Variants in IGF2R observed in about 807,000 individuals in gnomAD.
IGF2R encodes insulin like growth factor 2 receptor.
In IGF2R, 91 loss-of-function variants were observed where a neutral mutation model predicts 270.6. That is an observed-to-expected ratio of 0.34 (90% CI 0.28 to 0.40). The LOEUF is 0.40. Among genes scored for constraint, IGF2R ranks in the 10% least tolerant of loss-of-function variants. IGF2R has a pLI of 1.00. For missense variants in IGF2R, 2,805 were observed against 3,188.3 expected, an observed-to-expected ratio of 0.88 and a Z score of 2.90; for synonymous variants, 1,316 against 1,258.9, an observed-to-expected ratio of 1.05 and a Z score of -0.96.
At chr6:160,047,994 G>C in intron 17 of IGF2R, 87 bp downstream of exon 17, 2 of 861,056 alleles carry the variant, frequency 2.3e-6, no homozygotes, top group Non-Finnish European at 4.0e-6. Flanking sequence ...CTGAGCTGAT[G>C]ATGGGGAGTG....
At chr6:160,000,839 G>A (rs770754122) in intron 2 of IGF2R, among the ~76,000 whole-genome samples, 8 of 147,918 alleles carry the variant, frequency 5.4e-5, no homozygotes, top group African/African-American at 1.7e-4. Context: ...GGGTTTAAGC[G>A]ATTCTCCTGC....
chr6:160,099,284 A>G (rs1372590265), intron 45 of IGF2R, among the ~76,000 whole-genome samples: 1 of 152,250 alleles, frequency 6.6e-6, no homozygotes, highest in South Asian at 2.1e-4. Context: ...GGAAACTGCA[A>G]CTTTATGTGA....
chr6:160,091,515 A>T (rs992203524), intron 44 of IGF2R, among the ~76,000 whole-genome samples: 2 of 152,222 alleles, frequency 1.3e-5, no homozygotes, highest in African/African-American at 2.4e-5. Flanking sequence ...GCATCTGCTC[A>T]TAGCACCTGT....
In IGF2R at chr6:159,969,139, G is replaced by A. The variant is rs984948026; in HGVS notation, c.-108G>A. 16 of 619,446 alleles carry A rather than the reference G, an allele frequency of 2.6e-5. No individual in the cohort carries two copies. Among genetic ancestry groups the A allele is most frequent in the Non-Finnish European group, 3.0e-5 (15 of 496,658 alleles). 38.4% of individuals were successfully genotyped at this position (619,446 alleles called of 1,614,324 possible). On this transcript the variant is annotated 5_prime_UTR_variant, in exon 1 of 48. Transcript: ENST00000356956. ...CGCGCTCACCTCGGGCTCCCGCTCC[G>A]TCTCCACCTCCGCCTTTGCCCTGGC... is the stretch of plus-strand genomic sequence containing the variant.
intron 4 of IGF2R, among the ~76,000 whole-genome samples, chr6:160,011,768 T>C (rs1784339359): frequency 6.6e-6 from 1 of 152,186 alleles, no homozygotes; most frequent in Non-Finnish European, 1.5e-5. Flanking sequence ...GAGCAGACTG[T>C]GTTCCTTCTG....
In IGF2R at chr6:160,109,578, A is replaced by G. The variant is rs1779702411; in HGVS notation, c.*4494A>G. The G allele has an allele frequency of 6.6e-6, 1 of 152,206 alleles. No individual in the cohort carries two copies. Among genetic ancestry groups the G allele is most frequent in the South Asian group, 2.1e-4 (1 of 4,828 alleles). 9.4% of individuals were successfully genotyped at this position (152,206 alleles called of 1,614,324 possible). On this transcript the variant is annotated 3_prime_UTR_variant, in exon 48 of 48. Transcript: ENST00000356956. ...CAGAACCACAATATGTGGGGACGGTACTGCCAGCTAAGCCTTAGTGCTGTT... is the reference window on the plus strand; with the variant it reads ...CAGAACCACAATATGTGGGGACGGTGCTGCCAGCTAAGCCTTAGTGCTGTT...
At chr6:160,021,593 T>A (rs1253285464) in intron 4 of IGF2R, among the ~76,000 whole-genome samples, 6 of 144,160 alleles carry the variant, frequency 4.2e-5, no homozygotes, top group Non-Finnish European at 9.1e-5. Context: ...TAAAGTGTAA[T>A]AATAATAAAA....
At chr6:160,095,411 T>C (rs1464330015) in intron 44 of IGF2R, 1 of 152,416 alleles carries the variant, frequency 6.6e-6, no homozygotes. Context: ...AAGTGCCTAA[T>C]GTATCCTAGT....
At chr6:160,070,911 A>C (rs1192916117) in intron 31 of IGF2R, among the ~76,000 whole-genome samples, 6 of 152,014 alleles carry the variant, frequency 3.9e-5, no homozygotes, top group African/African-American at 1.4e-4. Flanking sequence ...CTTAGTCCAG[A>C]CTCATGAGCT....
rs148892832 is a variant in IGF2R, at chr6:160,078,226, G to A, written c.5342G>A (p.Ser1781Asn). 3 of 1,614,230 alleles carry A rather than the reference G, an allele frequency of 1.9e-6. No individual in the cohort carries two copies. The highest frequency in any genetic ancestry group is 1.7e-6 in the Non-Finnish European group (2 of 1,180,028). ...SMGTPKLLRT[S>N]ECDFVFEWET... Reference sequence around the variant, plus strand: ...GGAACGCCTAAGCTGTTAAGGACCAGCGAGTGCGACTTTGTGTTCGAATGG... The same window carrying A: ...GGAACGCCTAAGCTGTTAAGGACCAACGAGTGCGACTTTGTGTTCGAATGG... Residue 1781 changes from serine to asparagine, a missense_variant, in exon 37 of 48, where the codon AGC (serine) becomes AAC (asparagine). By Grantham distance (46) the Ser-to-Asn change is conservative. Around this residue, in one of 2 missense-constraint regions of IGF2R, gnomAD observed 1,851 missense variants for 2,207.2 expected, o/e 0.84. Coordinates refer to ENST00000356956, the MANE Select transcript of IGF2R (RefSeq NM_000876.4).
chr6:160,102,413 T>A lies in IGF2R; in HGVS notation c.6843-106T>A. 1 of 1,239,464 alleles carries A rather than the reference T, an allele frequency of 8.1e-7. No homozygotes were observed. The highest frequency in any genetic ancestry group is 1.4e-5 in the South Asian group (1 of 73,316). 76.8% of individuals were successfully genotyped at this position (1,239,464 alleles called of 1,614,324 possible). On this transcript the variant is annotated intron_variant, in intron 45 of 47. Transcript: ENST00000356956. This position sits in a 1 kb window ranked among gnomAD's most constrained non-coding sequence, Gnocchi z 4.5. Reference sequence around the variant, plus strand: ...GGCAGGAGTAAGAATCACATGGTGTTGGGAAAGTCAGAGCTGCTCTTGCCT... The same window carrying A: ...GGCAGGAGTAAGAATCACATGGTGTAGGGAAAGTCAGAGCTGCTCTTGCCT...
In IGF2R at chr6:160,084,761, G is replaced by A. The variant is rs796312828; in HGVS notation, c.6069-234G>A. On this transcript the variant is annotated intron_variant, in intron 40 of 47. Coordinates refer to ENST00000356956, the MANE Select transcript of IGF2R (RefSeq NM_000876.4). The surrounding 1 kb of genome is among the most constrained non-coding windows in gnomAD (Gnocchi z 4.6). ...CACGCTGTGTCCAGGGTGGCCGCAG[G>A]TGTGGACATTCCACTCCGCGTGTGT... 6.6e-5 allele frequency among the ~76,000 whole-genome samples: 10 copies of A among 152,214 alleles called. 1 individual carries two copies. Among genetic ancestry groups the A allele is most frequent in the African/African-American group, 2.4e-4 (10 of 41,530 alleles).
intron 5 of IGF2R, 30 bp from the exon 6 acceptor site, chr6:160,027,155 A>G (rs1158466784): frequency 1.2e-6 from 2 of 1,613,628 alleles, no homozygotes. Flanking sequence ...CTAACACCTA[A>G]TCTGATTTAA....
chr6:160,061,496 GT>G lies in IGF2R; in HGVS notation c.3263-4del. The G allele has an allele frequency of 6.2e-7, 1 of 1,613,002 alleles. No individual in the cohort carries two copies. Among genetic ancestry groups the G allele is most frequent in the Non-Finnish European group, 8.5e-7 (1 of 1,179,604 alleles). On this transcript the variant is annotated splice_region_variant and splice_polypyrimidine_tract_variant and intron_variant, in intron 23 of 47. Coordinates refer to ENST00000356956, the MANE Select transcript of IGF2R (RefSeq NM_000876.4). Reference sequence around the variant, plus strand: ...GTTCTCCAGCGTGGTTTTTTGTTGTGTTTCAGACCTGGCTGGAAATGAGTAC... The same window carrying G: ...GTTCTCCAGCGTGGTTTTTTGTTGTGTTCAGACCTGGCTGGAAATGAGTAC...
chr6:160,063,665 G>A (rs746993770), intron 27 of IGF2R, 35 bp downstream of exon 27: 1 of 1,502,866 alleles, frequency 6.7e-7, no homozygotes, highest in South Asian at 1.2e-5. Context: ...TTGTTGCAAA[G>A]GAATGGAATT....
chr6:160,089,373 C>T, intron 43 of IGF2R, 120 bp downstream of exon 43: 1 of 837,486 alleles, frequency 1.2e-6, no homozygotes, highest in Non-Finnish European at 1.8e-6. Context: ...GTTACTGTTG[C>T]TGGAGTCATC....
At position 160,105,158 on chromosome 6, in the gene IGF2R, G is replaced by T. The variant is rs1254738311; in HGVS notation, c.*74G>T. 2.3e-6 allele frequency: 3 copies of T among 1,276,856 alleles called. No homozygotes were observed. In the South Asian group the frequency reaches 4.7e-5, roughly 20 times the overall value. 79.1% of individuals were successfully genotyped at this position (1,276,856 alleles called of 1,614,324 possible). ...CTCCAACCAAATAAGACTTCCACTC[G>T]ATGATGCTTCTATAATTTTGCCTTT... On this transcript the variant is annotated 3_prime_UTR_variant, in exon 48 of 48. Transcript: ENST00000356956.
chr6:159,988,512 CAAAAAA>C (rs59531292), intron 1 of IGF2R, among the ~76,000 whole-genome samples: 5 of 50,478 alleles, frequency 9.9e-5, no homozygotes, highest in African/African-American at 4.0e-4. Flanking sequence ...GACTCCGTCT[CAAAAAA>C]AAAAAAAAAA....
intron 47 of IGF2R, among the ~76,000 whole-genome samples, chr6:160,104,385 C>A (rs1779565610): frequency 6.6e-6 from 1 of 151,832 alleles, no homozygotes; most frequent in African/African-American, 2.4e-5. Flanking sequence ...CCAGGCCATC[C>A]CGAACGCCTT....
Sources: allele counts gnomAD v4.1 joint callset (sites outside exome capture counted in the v4.1 genomes callset), GRCh38; gene constraint gnomAD v4.1.1; regional missense constraint gnomAD v4.1.1; non-coding constraint Gnocchi (gnomAD v3.1); transcripts MANE v1.5; gene names NCBI Gene and HGNC (gene_info 2026-07-23, HGNC 2026-07-21).